SCEL: variants seen among roughly 807,000 people sequenced by gnomAD.
SCEL encodes the protein sciellin.
A neutral mutation model predicts 117.6 loss-of-function variants in SCEL; 113 were observed. The ratio of observed to expected loss-of-function variants is 0.96; its 90% CI spans 0.83 to 1.12. The LOEUF is 1.12. SCEL is among the 50% of genes most tolerant of loss of function. The pLI is 0.00. For synonymous variants in SCEL, 270 were observed against 256.2 expected (o/e 1.05, Z -0.51); for missense variants, 785 against 810.8 (o/e 0.97, Z 0.39).
At chr13:77,626,362 C>T (rs750222915) in intron 27 of SCEL, among the ~76,000 whole-genome samples, 2 of 152,168 alleles carry the variant, frequency 1.3e-5, no homozygotes, top group Non-Finnish European at 2.9e-5. Flanking sequence ...GGACACAAAC[C>T]ATATCATTGT....
chr13:77,597,302 T>G (rs980405374), intron 12 of SCEL, among the ~76,000 whole-genome samples: 2 of 151,848 alleles, frequency 1.3e-5, no homozygotes, highest in African/African-American at 4.9e-5. Context: ...ATAAAGCAGG[T>G]GCAGAAAAAA....
At chr13:77,611,090 G>C (rs2088615824) in intron 22 of SCEL, among the ~76,000 whole-genome samples, 1 of 152,134 alleles carries the variant, frequency 6.6e-6, no homozygotes, top group African/African-American at 2.4e-5. Flanking sequence ...CTATCAAACA[G>C]AGCTTATTTA....
chr13:77,585,251 G>A (rs2086495617), intron 9 of SCEL, among the ~76,000 whole-genome samples: 1 of 152,192 alleles, frequency 6.6e-6, no homozygotes, highest in Non-Finnish European at 1.5e-5. Flanking sequence ...GATATGTGCT[G>A]TGAATAGGGT....
Position 77,603,477 on chromosome 13 carries a change from T to C in SCEL, c.1097+342T>C, listed in dbSNP as rs556374342. ...GACAGAGGTGGCCAAGAGTGAGCCA[T>C]CATTGGAGCTCTGGTAATTCAGCTC... On this transcript the variant is annotated intron_variant, in intron 18 of 32. Coordinates refer to ENST00000349847, the MANE Select transcript of SCEL (RefSeq NM_144777.3). Among the ~76,000 whole-genome samples the C allele has an allele frequency of 2.6e-5, 4 of 152,230 alleles. No individual in the cohort carries two copies. The East Asian group carries it at 7.7e-4, about 29-fold the overall frequency.
chr13:77,641,552 A>C (rs2090557576), intron 31 of SCEL, among the ~76,000 whole-genome samples: 1 of 152,138 alleles, frequency 6.6e-6, no homozygotes, highest in African/African-American at 2.4e-5. Context: ...GCATATTATA[A>C]TCATCTGGGG....
At chr13:77,613,838 A>G in intron 23 of SCEL, 55 bp from the exon 24 acceptor site, 1 of 1,441,092 alleles carries the variant, frequency 6.9e-7, no homozygotes, top group Non-Finnish European at 9.8e-7. Context: ...CACCTGTCAA[A>G]ACAAAAAAGA....
intron 13 of SCEL, among the ~76,000 whole-genome samples, chr13:77,598,467 A>T (rs1185549103): frequency 6.6e-6 from 1 of 152,156 alleles, no homozygotes; most frequent in Non-Finnish European, 1.5e-5. Flanking sequence ...GAGGTTTTAG[A>T]TCAGGAGTCA....
Position 77,602,086 on chromosome 13 carries a change from G to T in SCEL, c.939G>T (p.Pro313=). ...AAAGAATCCAAAGCCTTGGAAGTCC[G>T]ATTAAAGTTAATCAAAGGACTGACA... is the stretch of plus-strand genomic sequence containing the variant. ...DGKGIQSLGS[P]IKVNQRTDKN... The change falls in exon 16 of 33, where the codon CCG becomes CCT. Residue 313 remains proline, a synonymous_variant. Transcript: ENST00000349847. 6.2e-6 allele frequency: 10 copies of T among 1,610,466 alleles called. No homozygotes were observed. Among genetic ancestry groups the T allele is most frequent in the South Asian group, 1.1e-5 (1 of 90,484 alleles).
At position 77,575,253 on chromosome 13, in the gene SCEL, C is replaced by CT. The variant is rs200383261; in HGVS notation, c.545+3075dup. 6.6e-3 allele frequency among the ~76,000 whole-genome samples: 968 copies of CT among 147,226 alleles called. 8 individuals are homozygous for CT. The highest frequency in any genetic ancestry group is 0.02 in the African/African-American group (808 of 40,408). On this transcript the variant is annotated intron_variant, in intron 9 of 32. Transcript: ENST00000349847. The stretch of plus-strand genomic sequence containing the variant: ...TAAACCACACCCAAAGGGACTTAAA[C>CT]TTTTTTTTTTTATCAACAGAAGAGC...
At chr13:77,572,406 A>G (rs2085691942) in intron 9 of SCEL, among the ~76,000 whole-genome samples, 1 of 152,168 alleles carries the variant, frequency 6.6e-6, no homozygotes, top group South Asian at 2.1e-4. Flanking sequence ...AGGTGGCTGT[A>G]TTAGATTGCT....
At chr13:77,605,490 G>T (rs149538429) in intron 19 of SCEL, among the ~76,000 whole-genome samples, 1,881 of 152,192 alleles carry the variant, frequency 0.012, 24 homozygotes, top group Non-Finnish European at 0.022. Context: ...TCCTATATTC[G>T]AATTCTGGCT....
intron 9 of SCEL, among the ~76,000 whole-genome samples, chr13:77,588,066 T>TTTA (rs1195811559): frequency 2.0e-5 from 3 of 152,036 alleles, no homozygotes; most frequent in Admixed American, 6.6e-5. Context: ...CTTATTCTGT[T>TTTA]TTATTATTAT....
intron 9 of SCEL, among the ~76,000 whole-genome samples, chr13:77,572,461 C>T (rs373968547): frequency 1.3e-5 from 2 of 152,274 alleles, no homozygotes; most frequent in East Asian, 3.9e-4. Flanking sequence ...AAACTGGGTG[C>T]CACAGACTGC....
chr13:77,586,238 C>T (rs1178934845), intron 9 of SCEL, among the ~76,000 whole-genome samples: 2 of 152,124 alleles, frequency 1.3e-5, no homozygotes, highest in African/African-American at 4.8e-5. Flanking sequence ...GTGACCTTCT[C>T]CCCGATGATC....
rs2089615334 is a variant in SCEL, at chr13:77,624,442, C to T, written c.1629-3505C>T. Among the ~76,000 whole-genome samples the T allele has an allele frequency of 5.3e-5, 8 of 152,122 alleles. 1 individual carries two copies. Among genetic ancestry groups the T allele is most frequent in the Admixed American group, 5.2e-4 (8 of 15,270 alleles). Reference sequence around the variant, plus strand: ...CACTTTATGTCCTCACTTTGTCTTCCCTCTGTGTGTGTCTGAGTCCAAATT... The same window carrying T: ...CACTTTATGTCCTCACTTTGTCTTCTCTCTGTGTGTGTCTGAGTCCAAATT... On this transcript the variant is annotated intron_variant, in intron 27 of 32. Coordinates refer to ENST00000349847, the MANE Select transcript of SCEL (RefSeq NM_144777.3).
chr13:77,608,208 A>T, intron 20 of SCEL, 93 bp downstream of exon 20: 2 of 957,704 alleles, frequency 2.1e-6, no homozygotes, highest in Non-Finnish European at 3.2e-6. Flanking sequence ...TTGGATTGGG[A>T]TCAGAAAGGC....
Position 77,572,265 on chromosome 13 carries a change from G to T in SCEL, c.545+76G>T, listed in dbSNP as rs1484058397. 4.2e-6 allele frequency: 5 copies of T among 1,200,096 alleles called. No homozygotes were observed. The African/African-American group carries it at 6.0e-5, about 14-fold the overall frequency. The allele number at this position is 1,200,096 out of a possible 1,614,324, so 74.3% of individuals were successfully genotyped here. ...TGTCAGACATTGACAACATATAATT[G>T]TGGATGTTTTGGGATAAATTGGAGG... is the stretch of plus-strand genomic sequence containing the variant. On this transcript the variant is annotated intron_variant, in intron 9 of 32. Transcript: ENST00000349847.
intron 11 of SCEL, among the ~76,000 whole-genome samples, chr13:77,593,297 T>TGCGCGCGCGCGG (rs776632183): frequency 8.5e-6 from 1 of 117,108 alleles, no homozygotes; most frequent in Non-Finnish European, 1.9e-5. Flanking sequence ...TGTGTGTGTG[T>TGCGCGCGCGCGG]CTGTGTGTGT....
intron 1 of SCEL, among the ~76,000 whole-genome samples, chr13:77,536,641 A>G (rs960025355): frequency 4.6e-5 from 7 of 152,234 alleles, no homozygotes; most frequent in African/African-American, 1.7e-4. Flanking sequence ...TTTATAATTA[A>G]TAGCTAAGCT....
Sources: allele counts gnomAD v4.1 joint callset (sites outside exome capture counted in the v4.1 genomes callset), GRCh38; gene constraint gnomAD v4.1.1; transcripts MANE v1.5; gene names NCBI Gene and HGNC (gene_info 2026-07-23, HGNC 2026-07-21).